The following PI4KA variants were observed in gnomAD, a reference collection of about 807,000 sequenced individuals.
PI4KA encodes the protein PI4-kinase alpha.
A neutral mutation model predicts 271.4 loss-of-function variants in PI4KA; 122 were observed. That is an observed-to-expected ratio of 0.45 (90% CI 0.39 to 0.52). PI4KA has a LOEUF of 0.52. PI4KA is among the 20% of genes least tolerant of loss of function. The pLI, the probability that PI4KA is intolerant of heterozygous loss-of-function variation, is 0.00. For synonymous variants in PI4KA, 1,041 were observed against 1,078.8 expected, an observed-to-expected ratio of 0.96 and a Z score of 0.69; for missense variants, 1,969 against 2,769.1, an observed-to-expected ratio of 0.71 and a Z score of 6.48.
rs192812061 is a variant in PI4KA, at chr22:20,739,760, A to C, written c.3741+2468T>G. Among the ~76,000 whole-genome samples the C allele has an allele frequency of 8.1e-4, 124 of 152,246 alleles. 3 individuals carry two copies. Among genetic ancestry groups the C allele is most frequent in the South Asian group, 6.9e-3 (33 of 4,812 alleles). ...GAGAATCTCAGCAGCAGAAAATGCA[A>C]ACTATAAAAAAGAATTAAATGGCTG... On this transcript the variant is annotated intron_variant, in intron 32 of 54. Coordinates refer to ENST00000255882, the MANE Select transcript of PI4KA (RefSeq NM_058004.4).
intron 1 of PI4KA, among the ~76,000 whole-genome samples, chr22:20,857,739 G>A (rs918030294): frequency 6.6e-6 from 1 of 152,184 alleles, no homozygotes; most frequent in Non-Finnish European, 1.5e-5. Flanking sequence ...GAGGCTCTAA[G>A]AGTTAAATTT....
At chr22:20,711,859 C>CTCAG (rs1925327120) in intron 50 of PI4KA, among the ~76,000 whole-genome samples, 1 of 151,294 alleles carries the variant, frequency 6.6e-6, no homozygotes, top group South Asian at 2.1e-4. Flanking sequence ...ATTCTCCTGC[C>CTCAG]TCAGCCTCCC....
rs114536210 is a variant in PI4KA, at chr22:20,829,758, T to C, written c.367+4804A>G. On this transcript the variant is annotated intron_variant, in intron 3 of 54. Coordinates refer to ENST00000255882, the MANE Select transcript of PI4KA (RefSeq NM_058004.4). ...CTAGTTGTGATGTTAGGTTGTTAAT[T>C]TGAGATCTAACTTTTCAACGTCAGC... 4.5e-3 allele frequency among the ~76,000 whole-genome samples: 689 copies of C among 152,250 alleles called. 5 individuals carry two copies. The highest frequency in any genetic ancestry group is 0.016 in the African/African-American group (661 of 41,550).
intron 19 of PI4KA, chr22:20,785,945 T>C (rs771071537): frequency 1.0e-5 from 8 of 771,584 alleles, no homozygotes; most frequent in Non-Finnish European, 1.6e-5. Context: ...GGGAAAATCA[T>C]GATTCTTTTG....
At chr22:20,768,902 G>A (rs1334331934) in intron 19 of PI4KA, among the ~76,000 whole-genome samples, 1 of 152,174 alleles carries the variant, frequency 6.6e-6, no homozygotes, top group Non-Finnish European at 1.5e-5. Flanking sequence ...TCAGCTAGTG[G>A]CCAAGGACAG....
intron 19 of PI4KA, among the ~76,000 whole-genome samples, chr22:20,790,728 AC>A (rs1934582775): frequency 1.3e-5 from 2 of 150,900 alleles, no homozygotes; most frequent in Admixed American, 1.3e-4. Context: ...ACACACACAC[AC>A]ACACACACAC....
chr22:20,714,795 C>T, intron 45 of PI4KA, 95 bp from the exon 46 acceptor site: 1 of 1,420,160 alleles, frequency 7.0e-7, no homozygotes, highest in Non-Finnish European at 9.6e-7. Flanking sequence ...CGTGTCCACC[C>T]TGCAGGCACA....
chr22:20,769,804 T>C (rs1271004349), intron 19 of PI4KA, among the ~76,000 whole-genome samples: 2 of 152,128 alleles, frequency 1.3e-5, no homozygotes. Context: ...AAAATACATG[T>C]TTGAAGTCAT....
At chr22:20,815,657 C>A (rs983010774) in intron 7 of PI4KA, among the ~76,000 whole-genome samples, 6 of 152,106 alleles carry the variant, frequency 3.9e-5, no homozygotes, top group African/African-American at 1.4e-4. Flanking sequence ...GCAACAATAC[C>A]ACTGGGAGCT....
At chr22:20,797,101 G>C (rs964860006) in intron 17 of PI4KA, among the ~76,000 whole-genome samples, 1 of 152,156 alleles carries the variant, frequency 6.6e-6, no homozygotes, top group African/African-American at 2.4e-5. Context: ...TAAGCATGTC[G>C]TCTGCTCCAC....
intron 36 of PI4KA, 34 bp from the exon 37 acceptor site, chr22:20,730,045 G>C: frequency 6.2e-7 from 1 of 1,607,116 alleles, no homozygotes; most frequent in Non-Finnish European, 8.5e-7. Flanking sequence ...TCTAGAGTGA[G>C]GTGGCTCAAG....
intron 25 of PI4KA, 147 bp from the exon 26 acceptor site, chr22:20,751,902 T>C (rs893417310): frequency 2.9e-6 from 2 of 684,550 alleles, no homozygotes; most frequent in Middle Eastern, 2.6e-4. Context: ...GCAGGATGCC[T>C]GGCCTCCTCA....
chr22:20,825,630 T>C (rs1272771978), intron 3 of PI4KA, among the ~76,000 whole-genome samples: 1 of 151,992 alleles, frequency 6.6e-6, no homozygotes, highest in Admixed American at 6.6e-5. Flanking sequence ...TCCTAACAAA[T>C]TGCAGGTACA....
chr22:20,779,328 A>G (rs1390998914), intron 19 of PI4KA: 4 of 1,614,218 alleles, frequency 2.5e-6, no homozygotes, highest in Non-Finnish European at 3.4e-6. Flanking sequence ...ACACTCATTA[A>G]ACGCACTTCT....
chr22:20,803,059 G>C lies in PI4KA; in HGVS notation c.1591+132C>G. 5.5e-6 allele frequency: 5 copies of C among 902,664 alleles called. 1 individual carries two copies. Among genetic ancestry groups the C allele is most frequent in the Non-Finnish European group, 8.8e-6 (5 of 570,498 alleles). 55.9% of individuals were successfully genotyped at this position (902,664 alleles called of 1,614,324 possible). A position where few individuals can be genotyped will look rare whatever the true frequency, so the allele number is the denominator to read the frequency against. Reference sequence around the variant, plus strand: ...GAAAGGCCTGGAGCTTGGAGGGGACGCAAAGGGAAAGACAGAAGGAAAGGT... The same window carrying C: ...GAAAGGCCTGGAGCTTGGAGGGGACCCAAAGGGAAAGACAGAAGGAAAGGT... On this transcript the variant is annotated intron_variant, in intron 13 of 54. Transcript: ENST00000255882.
intron 42 of PI4KA, among the ~76,000 whole-genome samples, chr22:20,724,201 A>G (rs984015942): frequency 1.3e-4 from 20 of 150,834 alleles, no homozygotes; most frequent in Admixed American, 4.6e-4. Flanking sequence ...GCTGCTTGGG[A>G]GGCTGAGGCA....
chr22:20,824,769 CACACACACACAA>C (rs1299023481), intron 3 of PI4KA, among the ~76,000 whole-genome samples: 29 of 146,834 alleles, frequency 2.0e-4, no homozygotes, highest in African/African-American at 7.2e-4. Context: ...CACACACACA[CACACACACACAA>C]AACACTCGGC....
chr22:20,774,669 G>A (rs1333017829), intron 19 of PI4KA, among the ~76,000 whole-genome samples: 1 of 151,672 alleles, frequency 6.6e-6, no homozygotes, highest in Non-Finnish European at 1.5e-5. Flanking sequence ...GCTGAGGCAG[G>A]AGAATCGCTT....
At chr22:20,785,368 G>A (rs922901490) in intron 19 of PI4KA, among the ~76,000 whole-genome samples, 2 of 152,164 alleles carry the variant, frequency 1.3e-5, no homozygotes, top group African/African-American at 2.4e-5. Context: ...GCTGTGCCTG[G>A]CCCATTTGAC....
Sources: allele counts gnomAD v4.1 joint callset (sites outside exome capture counted in the v4.1 genomes callset), GRCh38; gene constraint gnomAD v4.1.1; transcripts MANE v1.5; gene names NCBI Gene and HGNC (gene_info 2026-07-23, HGNC 2026-07-21).